C3orf20: variants seen among roughly 807,000 people sequenced by gnomAD.
C3orf20 encodes the protein uncharacterized protein C3orf20.
A neutral mutation model predicts 88.3 loss-of-function variants in C3orf20; 76 were observed. The observed-to-expected ratio is 0.86, with a 90% CI of 0.72 to 1.04. The LOEUF is 1.04. C3orf20 is among the 50% of genes least tolerant of loss of function. The probability of loss-of-function intolerance (pLI) is 0.00; values close to 1 mark genes in which losing one functional copy is unlikely to be tolerated. For missense variants in C3orf20, 1,056 were observed against 1,123.3 expected, an observed-to-expected ratio of 0.94 and a Z score of 0.86; for synonymous variants, 436 against 437.4, an observed-to-expected ratio of 1.00 and a Z score of 0.04.
At position 14,763,850 on chromosome 3, in the gene C3orf20, A is replaced by G. The variant is rs116536471; in HGVS notation, c.2495+2235A>G. Among the ~76,000 whole-genome samples, 516 of 152,270 alleles carry G rather than the reference A, an allele frequency of 3.4e-3. 4 individuals are homozygous for G. The highest frequency in any genetic ancestry group is 0.012 in the African/African-American group (492 of 41,560). On this transcript the variant is annotated intron_variant, in intron 15 of 16. Coordinates refer to ENST00000253697, the MANE Select transcript of C3orf20 (RefSeq NM_032137.5). ...ATTACTGCCTACCCTTGTTAGTGAT[A>G]TTATTATCATTAAAATGAGCTCTGG...
At chr3:14,764,480 T>TTTTTTATTATTATTA (rs770013903) in intron 15 of C3orf20, among the ~76,000 whole-genome samples, 1 of 148,688 alleles carries the variant, frequency 6.7e-6, no homozygotes, top group Non-Finnish European at 1.5e-5. Context: ...AACACAATCG[T>TTTTTTATTATTATTA]TTATTATTAT....
At chr3:14,710,402 C>G (rs559095354) in intron 7 of C3orf20, among the ~76,000 whole-genome samples, 1 of 152,036 alleles carries the variant, frequency 6.6e-6, no homozygotes, top group African/African-American at 2.4e-5. Context: ...CTTTAGTTTG[C>G]CCTTCTTTTT....
chr3:14,763,694 G>A (rs1200284171), intron 15 of C3orf20, among the ~76,000 whole-genome samples: 2 of 152,156 alleles, frequency 1.3e-5, no homozygotes, highest in African/African-American at 4.8e-5. Context: ...TCATAGCTGC[G>A]TGAACTGTGT....
chr3:14,760,332 A>G (rs2035520769), intron 14 of C3orf20, among the ~76,000 whole-genome samples: 1 of 152,202 alleles, frequency 6.6e-6, no homozygotes, highest in Non-Finnish European at 1.5e-5. Context: ...AAATACTTGC[A>G]CATGTTCTTT....
intron 12 of C3orf20, among the ~76,000 whole-genome samples, chr3:14,742,781 T>C (rs1372825573): frequency 1.4e-4 from 21 of 152,094 alleles, no homozygotes; most frequent in Admixed American, 1.4e-3. Flanking sequence ...TAAAGGCTCT[T>C]CTTATGTGGT....
intron 12 of C3orf20, among the ~76,000 whole-genome samples, chr3:14,741,325 G>A (rs777669009): frequency 1.3e-5 from 2 of 151,976 alleles, no homozygotes; most frequent in Non-Finnish European, 2.9e-5. Flanking sequence ...CTCTAGCTTC[G>A]TGAACATGTC....
chr3:14,680,784 CCTT>C (rs1406344370), intron 1 of C3orf20, among the ~76,000 whole-genome samples: 1 of 152,182 alleles, frequency 6.6e-6, no homozygotes, highest in Admixed American at 6.5e-5. Flanking sequence ...TTAGTTATCT[CCTT>C]CTTCTCATTT....
chr3:14,758,712 C>T (rs575344026), intron 13 of C3orf20, among the ~76,000 whole-genome samples: 1 of 152,322 alleles, frequency 6.6e-6, no homozygotes, highest in Admixed American at 6.5e-5. Flanking sequence ...CCAGAAGTGG[C>T]CCCTCCCTGA....
intron 6 of C3orf20, among the ~76,000 whole-genome samples, chr3:14,703,946 A>G (rs2033388259): frequency 6.6e-6 from 1 of 152,148 alleles, no homozygotes; most frequent in African/African-American, 2.4e-5. Context: ...TTGCTGGGCC[A>G]GAACATGGGG....
At chr3:14,765,044 A>G (rs1301894026) in intron 15 of C3orf20, 1 of 152,228 alleles carries the variant, frequency 6.6e-6, no homozygotes, top group East Asian at 1.9e-4. Context: ...CATCACCTGG[A>G]TTCCAGAAGA....
At position 14,683,182 on chromosome 3, in the gene C3orf20, G is replaced by T. The variant is rs775473023; in HGVS notation, c.469G>T (p.Val157Leu). 17 of 1,592,312 alleles carry T rather than the reference G, an allele frequency of 1.1e-5. No individual in the cohort carries two copies. Among genetic ancestry groups the T allele is most frequent in the Non-Finnish European group, 1.7e-6 (2 of 1,169,120 alleles). Residue 157 changes from valine (V) to leucine (L), a missense_variant, in exon 3 of 17, where the codon GTG becomes TTG. Val to Leu is a conservative substitution (Grantham distance 32). Transcript: ENST00000253697. ...CCTCAGACTGAAGATGAAGGCCATG[G>T]TGGAGTCTATGTCGGGTAAGGCCCA... ...ELLRLKMKAM[V>L]ESMSVGANPL...
intron 9 of C3orf20, 43 bp from the exon 10 acceptor site, chr3:14,721,610 C>T (rs761817277): frequency 1.1e-5 from 17 of 1,605,926 alleles, no homozygotes; most frequent in African/African-American, 1.3e-5. Flanking sequence ...TGGCTGGGGC[C>T]GTTGAAGCAG....
rs766433620 is a variant in C3orf20, at chr3:14,772,240, A to G, written c.2630+39A>G. ...TCAGCTGCCAGAATGGGCGTGGCTC[A>G]CAGCAGGCCACCTCGGGGCTATTTG... On this transcript the variant is annotated intron_variant, in intron 16 of 16. Transcript: ENST00000253697. This position sits in a 1 kb window ranked among gnomAD's most constrained non-coding sequence, Gnocchi z 4.2. 6.2e-7 allele frequency: 1 copy of G among 1,613,556 alleles called. No individual in the cohort carries two copies. The highest frequency in any genetic ancestry group is 1.3e-5 in the African/African-American group (1 of 74,946).
Position 14,760,679 on chromosome 3 carries a change from G to A in C3orf20, c.2352+681G>A, listed in dbSNP as rs190293569. Among the ~76,000 whole-genome samples the A allele has an allele frequency of 6.5e-4, 91 of 140,954 alleles. 1 individual carries two copies. In the East Asian group the frequency reaches 0.015, roughly 23 times the overall value. 92.5% of individuals were successfully genotyped at this position (140,954 alleles called of 152,430 possible). A position where few individuals can be genotyped will look rare whatever the true frequency, so the allele number is the denominator to read the frequency against. On this transcript the variant is annotated intron_variant, in intron 14 of 16. Coordinates refer to ENST00000253697, the MANE Select transcript of C3orf20 (RefSeq NM_032137.5). ...GGCTGGAGTGCAGTGGTGTAATCTCGGCTCACTGCAACCTCTGCCTCCCGG... is the reference window on the plus strand; with the variant it reads ...GGCTGGAGTGCAGTGGTGTAATCTCAGCTCACTGCAACCTCTGCCTCCCGG...
At chr3:14,756,028 CAAAAAAAA>C (rs56242160) in intron 12 of C3orf20, among the ~76,000 whole-genome samples, 1,061 of 72,790 alleles carry the variant, frequency 0.015, 9 homozygotes, top group South Asian at 0.027. Context: ...GACTCCATCT[CAAAAAAAA>C]AAAAAAAAAA....
chr3:14,730,146 T>C (rs1048940372), intron 12 of C3orf20, among the ~76,000 whole-genome samples: 2 of 152,244 alleles, frequency 1.3e-5, no homozygotes, highest in Non-Finnish European at 2.9e-5. Flanking sequence ...TAGATCTCTT[T>C]GGTGTGTCTT....
chr3:14,683,164 C>A lies in C3orf20; in HGVS notation c.451C>A (p.Leu151Met). The change falls in exon 3 of 17, where the codon CTG (leucine) becomes ATG (methionine). Residue 151 changes from leucine to methionine, a missense_variant. Physicochemically the swap from Leu to Met is conservative, Grantham distance 15 (BLOSUM62 2). Transcript: ENST00000253697. ...CCACCTGCTGACGGAGCTCCTCAGA[C>A]TGAAGATGAAGGCCATGGTGGAGTC... ...SIHLLTELLR[L>M]KMKAMVESMS... is the part of the protein sequence containing the mutation. 1 of 1,606,872 alleles carries A rather than the reference C, an allele frequency of 6.2e-7. No homozygotes were observed. The highest frequency in any genetic ancestry group is 8.5e-7 in the Non-Finnish European group (1 of 1,176,540).
rs2032514333 is a variant in C3orf20 at position 14,687,924 on chromosome 3, C to T, written c.626-2073C>T. Among the ~76,000 whole-genome samples the T allele has an allele frequency of 3.3e-5, 5 of 152,252 alleles. 1 individual carries two copies. The South Asian group carries it at 8.3e-4, about 25-fold the overall frequency. The stretch of plus-strand genomic sequence containing the variant: ...GCACCAGCCGATTGCTGAGAGCGCC[C>T]CTCTCCATCACACTCCCTAGCAAGC... On this transcript the variant is annotated intron_variant, in intron 4 of 16. Transcript: ENST00000253697.
intron 12 of C3orf20, among the ~76,000 whole-genome samples, chr3:14,743,706 G>C (rs1417655728): frequency 6.6e-6 from 1 of 152,008 alleles, no homozygotes; most frequent in African/African-American, 2.4e-5. Flanking sequence ...CTAGGTGGAG[G>C]TTCCCAAACC....
Sources: gnomAD v4.1 joint callset for allele counts (sites outside exome capture counted in the v4.1 genomes callset) on GRCh38, gnomAD v4.1.1 for gene constraint, Gnocchi (gnomAD v3.1) non-coding constraint, MANE v1.5 for transcripts, NCBI Gene and HGNC (gene_info 2026-07-23, HGNC 2026-07-21) for gene names.